The following ROR1 variants were observed in gnomAD, a reference collection of about 807,000 sequenced individuals.
The protein encoded by ROR1 is ROR family WNT receptor 1.
ROR1 carries 19 observed loss-of-function variants against 78.8 expected under a neutral mutation model. That is an observed-to-expected ratio of 0.24 (90% CI 0.17 to 0.35). The LOEUF (loss-of-function observed/expected upper bound fraction) is 0.35, where lower values mean the gene tolerates loss of function less well. Ranked by LOEUF, ROR1 falls within the 10% of genes least tolerant of loss-of-function variation. The probability of loss-of-function intolerance (pLI) is 1.00; values close to 1 mark genes in which losing one functional copy is unlikely to be tolerated. For missense variants in ROR1, 917 were observed against 1,177.8 expected, an observed-to-expected ratio of 0.78 and a Z score of 3.24; for synonymous variants, 386 against 433.6, an observed-to-expected ratio of 0.89 and a Z score of 1.36.
At chr1:64,054,543 A>T (rs1338675288) in intron 4 of ROR1, among the ~76,000 whole-genome samples, 1 of 152,236 alleles carries the variant, frequency 6.6e-6, no homozygotes, top group African/African-American at 2.4e-5. Context: ...GTGATACTTA[A>T]ATTTGGAAAT....
chr1:64,138,061 G>A (rs1485036699), intron 5 of ROR1, among the ~76,000 whole-genome samples: 1 of 152,150 alleles, frequency 6.6e-6, no homozygotes, highest in African/African-American at 2.4e-5. Flanking sequence ...TTAATTGAAA[G>A]TATCCTTTTG....
chr1:64,102,684 T>C (rs1446776398), intron 4 of ROR1, among the ~76,000 whole-genome samples: 1 of 152,188 alleles, frequency 6.6e-6, no homozygotes, highest in African/African-American at 2.4e-5. Flanking sequence ...GCCAGACAAG[T>C]AGGGTTTGAT....
At chr1:63,915,792 G>A (rs969318899) in intron 1 of ROR1, among the ~76,000 whole-genome samples, 3 of 151,980 alleles carry the variant, frequency 2.0e-5, no homozygotes, top group African/African-American at 7.3e-5. Flanking sequence ...TGAAGCCGGG[G>A]GGGTGTGCTA....
intron 4 of ROR1, among the ~76,000 whole-genome samples, chr1:64,084,845 A>T (rs1480060946): frequency 1.3e-5 from 2 of 152,212 alleles, no homozygotes; most frequent in Non-Finnish European, 2.9e-5. Context: ...TTTGCCCTGC[A>T]GTGGGCTGTG....
chr1:64,044,236 C>A (rs1375158793), intron 2 of ROR1, among the ~76,000 whole-genome samples: 2 of 152,148 alleles, frequency 1.3e-5, no homozygotes, highest in African/African-American at 4.8e-5. Context: ...ACCCTGAGGG[C>A]TGGGAAAGGG....
At chr1:64,116,750 T>C (rs760726148) in intron 4 of ROR1, among the ~76,000 whole-genome samples, 5 of 152,152 alleles carry the variant, frequency 3.3e-5, no homozygotes, top group Non-Finnish European at 5.9e-5. Context: ...GGACTCGGGA[T>C]CTGGCCCTGG....
chr1:64,036,246 T>TCCATCCATCCATCCAC (rs1646701121), intron 2 of ROR1, among the ~76,000 whole-genome samples: 1 of 152,130 alleles, frequency 6.6e-6, no homozygotes, highest in Non-Finnish European at 1.5e-5. Context: ...CCTAGTGCCA[T>TCCATCCATCCATCCAC]CCATCCATCC....
chr1:63,921,847 A>C (rs1645657288), intron 1 of ROR1, among the ~76,000 whole-genome samples: 1 of 152,196 alleles, frequency 6.6e-6, no homozygotes, highest in Non-Finnish European at 1.5e-5. Flanking sequence ...GGACTGCAGA[A>C]GTGAGACAGG....
chr1:64,009,333 A>G lies in ROR1; in HGVS notation c.120A>G (p.Leu40=), dbSNP rs777034708. ...CAGAGCTGTCAGTCAGTGCTGAATT[A>G]GTGCCTACCTCATCATGGAACATCT... ...QETELSVSAE[L]VPTSSWNISS... is the part of the protein sequence containing the mutation. Residue 40 remains leucine, a synonymous_variant, in exon 2 of 9, where the codon TTA becomes TTG. Transcript: ENST00000371079. 3.7e-6 allele frequency: 6 copies of G among 1,613,752 alleles called. No individual in the cohort carries two copies. The South Asian group carries it at 6.6e-5, about 18-fold the overall frequency.
At position 64,100,230 on chromosome 1, in the gene ROR1, C is replaced by T. The variant is rs964016284; in HGVS notation, c.483-37139C>T. ...TGTGTGGTGGCTCGTGTCTGTAATCCCAGCACTTTGGAAAGCTGAGCTGGA... is the reference window on the plus strand; with the variant it reads ...TGTGTGGTGGCTCGTGTCTGTAATCTCAGCACTTTGGAAAGCTGAGCTGGA... On this transcript the variant is annotated intron_variant, in intron 4 of 8. Transcript: ENST00000371079. Among the ~76,000 whole-genome samples the T allele has an allele frequency of 5.9e-5, 9 of 151,488 alleles. 1 individual carries two copies. Among genetic ancestry groups the T allele is most frequent in the African/African-American group, 2.2e-4 (9 of 41,190 alleles).
chr1:63,807,905 A>G (rs1185115360), intron 1 of ROR1, among the ~76,000 whole-genome samples: 2 of 152,132 alleles, frequency 1.3e-5, no homozygotes, highest in East Asian at 3.8e-4. Flanking sequence ...ACTGAAATTT[A>G]TTCATGTCTC....
Position 63,922,527 on chromosome 1 carries a change from C to T in ROR1, c.92-86778C>T, listed in dbSNP as rs202232605. 4.5e-4 allele frequency among the ~76,000 whole-genome samples: 68 copies of T among 152,226 alleles called. 1 individual carries two copies. The South Asian group carries it at 9.1e-3, about 20-fold the overall frequency. On this transcript the variant is annotated intron_variant, in intron 1 of 8. Transcript: ENST00000371079. ...AGCCCAGGATTTTGTGCCAAACATC[C>T]GTCTCTTTGCAACAGAATTGGAGAA...
intron 1 of ROR1, among the ~76,000 whole-genome samples, chr1:64,003,796 C>G (rs936794596): frequency 1.3e-5 from 2 of 152,220 alleles, no homozygotes; most frequent in African/African-American, 4.8e-5. Context: ...TGGCTATGGG[C>G]GTCTCCATTG....
intron 1 of ROR1, among the ~76,000 whole-genome samples, chr1:63,941,809 T>C (rs1307698858): frequency 6.6e-6 from 1 of 152,222 alleles, no homozygotes; most frequent in Non-Finnish European, 1.5e-5. Flanking sequence ...GTACCATTAA[T>C]AATAACATCT....
rs113998037 is a variant in ROR1, at chr1:63,802,774, C to T, written c.91+28266C>T. On this transcript the variant is annotated intron_variant, in intron 1 of 8. Transcript: ENST00000371079. ...TATGTCAATGTTAGACATTTAATCACCTCTAGCAACCTACAAGCAAATAAA... is the reference window on the plus strand; with the variant it reads ...TATGTCAATGTTAGACATTTAATCATCTCTAGCAACCTACAAGCAAATAAA... 2.0e-3 allele frequency among the ~76,000 whole-genome samples: 308 copies of T among 152,264 alleles called. 1 individual carries two copies. The highest frequency in any genetic ancestry group is 7.1e-3 in the African/African-American group (296 of 41,524).
intron 1 of ROR1, among the ~76,000 whole-genome samples, chr1:63,856,029 A>G (rs540106580): frequency 6.6e-6 from 1 of 151,788 alleles, no homozygotes; most frequent in African/African-American, 2.4e-5. Context: ...TATAATAACC[A>G]TTTTAATGTT....
intron 1 of ROR1, among the ~76,000 whole-genome samples, chr1:63,946,952 G>T (rs1645894601): frequency 6.6e-6 from 1 of 152,154 alleles, no homozygotes; most frequent in South Asian, 2.1e-4. Flanking sequence ...TTCACAGTCA[G>T]GTTTGCCTGA....
chr1:63,866,608 C>CT lies in ROR1; in HGVS notation c.91+92109dup, dbSNP rs968633895. On this transcript the variant is annotated intron_variant, in intron 1 of 8. Coordinates refer to ENST00000371079, the MANE Select transcript of ROR1 (RefSeq NM_005012.4). Reference sequence around the variant, plus strand: ...TCCCTTGAAGTTCTAGGGACCTAGCCTTTTTTTTTGGTTTTATTTTGTTTC... The same window carrying CT: ...TCCCTTGAAGTTCTAGGGACCTAGCCTTTTTTTTTTGGTTTTATTTTGTTTC... 1.3e-3 allele frequency among the ~76,000 whole-genome samples: 203 copies of CT among 150,712 alleles called. 1 individual carries two copies. Among genetic ancestry groups the CT allele is most frequent in the African/African-American group, 4.3e-3 (175 of 41,084 alleles).
chr1:64,090,302 A>G (rs1647185624), intron 4 of ROR1, among the ~76,000 whole-genome samples: 1 of 152,228 alleles, frequency 6.6e-6, no homozygotes, highest in Non-Finnish European at 1.5e-5. Context: ...GGAAAAAAAC[A>G]TAATTGTGTT....
Sources: gnomAD v4.1 joint callset for allele counts (sites outside exome capture counted in the v4.1 genomes callset) on GRCh38, gnomAD v4.1.1 for gene constraint, MANE v1.5 for transcripts, NCBI Gene and HGNC (gene_info 2026-07-23, HGNC 2026-07-21) for gene names.